Variants in PDRG1 observed in about 807,000 individuals in gnomAD.
PDRG1 encodes the protein p53 and DNA damage-regulated protein 1.
In PDRG1, 14 loss-of-function variants were observed where a neutral mutation model predicts 18.4. That is an observed-to-expected ratio of 0.76 (90% confidence interval 0.50 to 1.19). The LOEUF (loss-of-function observed/expected upper bound fraction) is 1.19, where lower values mean the gene tolerates loss of function less well. Ranked by LOEUF, PDRG1 falls within the 50% of genes most tolerant of loss-of-function variation. The pLI is 0.00. For missense variants in PDRG1, 177 were observed against 160.1 expected, an observed-to-expected ratio of 1.11 and a Z score of -0.57; for synonymous variants, 65 against 60.9, an observed-to-expected ratio of 1.07 and a Z score of -0.31.
chr20:31,949,814 T>C (rs1389097611), intron 2 of PDRG1, among the ~76,000 whole-genome samples: 1 of 152,150 alleles, frequency 6.6e-6, no homozygotes, highest in Admixed American at 6.5e-5. Context: ...CCCCAAGACC[T>C]TTCATTATGG....
chr20:31,950,484 G>T, intron 1 of PDRG1, 97 bp from the exon 2 acceptor site: 2 of 878,602 alleles, frequency 2.3e-6, no homozygotes, highest in South Asian at 1.4e-5. Context: ...CATTATTCCT[G>T]ATTACATTCA....
chr20:31,948,741 T>C, intron 3 of PDRG1, 67 bp downstream of exon 3: 1 of 1,448,580 alleles, frequency 6.9e-7, no homozygotes. Flanking sequence ...TGACTCCCTG[T>C]TCTGGGTTAA....
intron 2 of PDRG1, 35 bp downstream of exon 2, chr20:31,950,277 G>A: frequency 6.7e-7 from 1 of 1,496,112 alleles, no homozygotes; most frequent in Non-Finnish European, 9.3e-7. Context: ...AACGGAACAG[G>A]CCTCCAGGGC....
In PDRG1 at chr20:31,948,856, T is replaced by C. The variant is rs767238840; in HGVS notation, c.190A>G (p.Met64Val). 2 of 1,613,980 alleles carry C rather than the reference T, an allele frequency of 1.2e-6. No homozygotes were observed. The highest frequency in any genetic ancestry group is 8.5e-7 in the Non-Finnish European group (1 of 1,179,962). The change falls in exon 3 of 5, where the codon ATG (methionine) becomes GTG (valine). Residue 64 changes from methionine to valine, a missense_variant. By Grantham distance (21) the Met-to-Val change is conservative. Coordinates refer to ENST00000202017, the MANE Select transcript of PDRG1 (RefSeq NM_030815.3). ...TCAGGGTGAGGCATCTTGATAAACATGTTCCCGAAGCAAACCATCACATCT... is the reference window on the plus strand; with the variant it reads ...TCAGGGTGAGGCATCTTGATAAACACGTTCCCGAAGCAAACCATCACATCT... ...SEDVMVCFGN[M>V]FIKMPHPETK...
rs2064303711 is a variant in PDRG1, at chr20:31,945,224, A to G, written c.*583T>C. 6.5e-6 allele frequency: 1 copy of G among 152,816 alleles called. No homozygotes were observed. The highest frequency in any genetic ancestry group is 2.4e-5 in the African/African-American group (1 of 41,438). 9.5% of individuals were successfully genotyped at this position (152,816 alleles called of 1,614,324 possible). A position where few individuals can be genotyped will look rare whatever the true frequency, so the allele number is the denominator to read the frequency against. On this transcript the variant is annotated 3_prime_UTR_variant, in exon 5 of 5. Transcript: ENST00000202017. ...CACGAAGGGCTGCTAGGCAGCACCT[A>G]CTCTTGGAATCAAGCAGGGAAAAAG...
chr20:31,949,211 G>C (rs949014425), intron 2 of PDRG1, among the ~76,000 whole-genome samples: 11 of 152,206 alleles, frequency 7.2e-5, no homozygotes, highest in Non-Finnish European at 8.8e-5. Context: ...AGACATCTGG[G>C]GAAAGAGTGA....
chr20:31,947,883 C>T (rs139130333), intron 3 of PDRG1, among the ~76,000 whole-genome samples: 1 of 151,710 alleles, frequency 6.6e-6, no homozygotes, highest in East Asian at 1.9e-4. Flanking sequence ...GAGCAAGACT[C>T]TGTCTCAAGG....
intron 1 of PDRG1, among the ~76,000 whole-genome samples, chr20:31,951,671 G>A (rs1382781767): frequency 1.3e-5 from 2 of 152,260 alleles, no homozygotes; most frequent in Non-Finnish European, 2.9e-5. Flanking sequence ...GATCCACAGA[G>A]CATGGCAAGG....
Position 31,944,418 on chromosome 20 carries a change from CA to C in PDRG1, c.*1388del, listed in dbSNP as rs1217787117. 1 of 154,040 alleles carries C rather than the reference CA, an allele frequency of 6.5e-6. No individual in the cohort carries two copies. Among genetic ancestry groups the C allele is most frequent in the Non-Finnish European group, 1.4e-5 (1 of 69,188 alleles). 9.5% of individuals were successfully genotyped at this position (154,040 alleles called of 1,614,324 possible). ...CATACGGTTTAAAATCCAAAGTTTA[CA>C]AAAGGGTATAGGGTGACATCTCCTT... On this transcript the variant is annotated 3_prime_UTR_variant, in exon 5 of 5. Coordinates refer to ENST00000202017, the MANE Select transcript of PDRG1 (RefSeq NM_030815.3).
Position 31,951,969 on chromosome 20 carries a change from A to G in PDRG1, c.-8T>C, listed in dbSNP as rs1355457410. The G allele has an allele frequency of 5.8e-6, 9 of 1,553,690 alleles. No homozygotes were observed. Among genetic ancestry groups the G allele is most frequent in the South Asian group, 1.2e-5 (1 of 83,292 alleles). On this transcript the variant is annotated 5_prime_UTR_variant, in exon 1 of 5. Coordinates refer to ENST00000202017, the MANE Select transcript of PDRG1 (RefSeq NM_030815.3). ...TGCCTCGGGTGATAGCATAGCGCCC[A>G]CCAACTCCGCTTGCGGCTCTCGCGC...
chr20:31,946,425 A>G lies in PDRG1; in HGVS notation c.319+71T>C, dbSNP rs1340817570. The G allele has an allele frequency of 7.8e-6, 11 of 1,414,052 alleles. No individual in the cohort carries two copies. The Admixed American group carries it at 1.8e-4, about 24-fold the overall frequency. The allele number at this position is 1,414,052 out of a possible 1,614,324, so 87.6% of individuals were successfully genotyped here. ...CCCATCTCTGAGGGTCGGACTTCCC[A>G]TCCCTGCCCTTCAAAGTCCATGCTG... is the stretch of plus-strand genomic sequence containing the variant. On this transcript the variant is annotated intron_variant, in intron 4 of 4. Transcript: ENST00000202017.
At chr20:31,949,444 C>T (rs1374020223) in intron 2 of PDRG1, among the ~76,000 whole-genome samples, 3 of 152,158 alleles carry the variant, frequency 2.0e-5, no homozygotes, top group Admixed American at 6.5e-5. Flanking sequence ...TGGTGGCACA[C>T]GCCTGTAATC....
rs1431478697 is a variant in PDRG1 at position 31,950,331 on chromosome 20, C to T, written c.144G>A (p.Gln48=). Residue 48 remains glutamine (Q), a synonymous_variant, in exon 2 of 5, where the codon CAG becomes CAA. Coordinates refer to ENST00000202017, the MANE Select transcript of PDRG1 (RefSeq NM_030815.3). ...NQNREGLRAL[Q]KDLSLSEDVM... ...ACTTACCAGAGAGGCTGAGATCCTT[C>T]TGCAGGGCCCTCAGGCCCTCTCGAT... is the stretch of plus-strand genomic sequence containing the variant. 8 of 1,611,538 alleles carry T rather than the reference C, an allele frequency of 5.0e-6. No homozygotes were observed. The highest frequency in any genetic ancestry group is 5.9e-6 in the Non-Finnish European group (7 of 1,177,724).
chr20:31,952,039 C>G lies in PDRG1; in HGVS notation c.-78G>C, dbSNP rs1011446673. 5 of 1,461,756 alleles carry G rather than the reference C, an allele frequency of 3.4e-6. No homozygotes were observed. The Admixed American group carries it at 1.1e-4, about 34-fold the overall frequency. 90.5% of individuals were successfully genotyped at this position (1,461,756 alleles called of 1,614,324 possible). A position where few individuals can be genotyped will look rare whatever the true frequency, so the allele number is the denominator to read the frequency against. On this transcript the variant is annotated 5_prime_UTR_variant, in exon 1 of 5. Transcript: ENST00000202017. ...CGACTCCCGCTGCGCACGCGCCGCT[C>G]TCTAGGTGCTTCCGGCGCGCCTGCG...
chr20:31,950,191 T>G (rs2064343465), intron 2 of PDRG1, 121 bp downstream of exon 2: 3 of 809,312 alleles, frequency 3.7e-6, no homozygotes, highest in Non-Finnish European at 6.0e-6. Flanking sequence ...TGTTTCAATT[T>G]CCCACAAGGC....
chr20:31,948,981 A>G (rs936394766), intron 2 of PDRG1, 99 bp from the exon 3 acceptor site: 5 of 1,103,632 alleles, frequency 4.5e-6, no homozygotes, highest in Non-Finnish European at 6.6e-6. Context: ...AGAACAAGAA[A>G]AAGTTCCTGC....
chr20:31,946,553 T>C lies in PDRG1; in HGVS notation c.262A>G (p.Ile88Val). 6.2e-7 allele frequency: 1 copy of C among 1,613,282 alleles called. No individual in the cohort carries two copies. The highest frequency in any genetic ancestry group is 1.7e-5 in the Admixed American group (1 of 60,014). ...TTAAGTTGCTTCCGCAGTTTTTCTA[T>C]TTCTTTATCCAGATGATCTTGATCT... ...EKDQDHLDKEIEKLRKQLKVK... is the reference protein window; with the variant it reads ...EKDQDHLDKEVEKLRKQLKVK... The change falls in exon 4 of 5, where the codon ATA becomes GTA. Residue 88 changes from isoleucine (I) to valine (V), a missense_variant. Physicochemically the swap from Ile to Val is conservative, Grantham distance 29. Coordinates refer to ENST00000202017, the MANE Select transcript of PDRG1 (RefSeq NM_030815.3).
chr20:31,945,854 G>T lies in PDRG1; in HGVS notation c.355C>A (p.Leu119Ile). Residue 119 changes from leucine (L) to isoleucine (I), a missense_variant, in exon 5 of 5, where the codon CTC (leucine) becomes ATC (isoleucine). Coordinates refer to ENST00000202017, the MANE Select transcript of PDRG1 (RefSeq NM_030815.3). ...AGAGCTTTAAGCTCATCCTGGTTGA[G>T]GGGGTTCAAGTTAAAACCCTTCAGC... ...PELKGFNLNPLNQDELKALKV... is the reference protein window; with the variant it reads ...PELKGFNLNPINQDELKALKV... 6.2e-7 allele frequency: 1 copy of T among 1,613,944 alleles called. No individual in the cohort carries two copies. Among genetic ancestry groups the T allele is most frequent in the South Asian group, 1.1e-5 (1 of 91,066 alleles).
At chr20:31,951,307 T>C (rs1355856553) in intron 1 of PDRG1, among the ~76,000 whole-genome samples, 3 of 152,174 alleles carry the variant, frequency 2.0e-5, no homozygotes, top group Non-Finnish European at 4.4e-5. Context: ...GTCTGGACCA[T>C]ACCAATGGCC....
Sources: gnomAD v4.1 joint callset for allele counts (sites outside exome capture counted in the v4.1 genomes callset) on GRCh38, gnomAD v4.1.1 for gene constraint, MANE v1.5 for transcripts, NCBI Gene and HGNC (gene_info 2026-07-23, HGNC 2026-07-21) for gene names.